Variants in NELFE observed in about 807,000 individuals in gnomAD.
NELFE encodes negative elongation factor complex member E.
A neutral mutation model predicts 55.5 loss-of-function variants in NELFE; 26 were observed. That is an observed-to-expected ratio of 0.47 (90% confidence interval 0.34 to 0.65). NELFE has a LOEUF of 0.65. Ranked by LOEUF, NELFE falls within the 30% of genes least tolerant of loss-of-function variation. NELFE has a pLI of 0.01. For missense variants in NELFE, 403 were observed against 506.9 expected, an observed-to-expected ratio of 0.80 and a Z score of 1.97; for synonymous variants, 162 against 178.0, an observed-to-expected ratio of 0.91 and a Z score of 0.72.
chr6:31,956,856 AG>A lies in NELFE; in HGVS notation c.146-19del, dbSNP rs1412563032. On this transcript the variant is annotated intron_variant, in intron 3 of 10. Transcript: ENST00000375429. ...TGATAGTGCTGGAGAGACAAGGGGAAGAGGCATTATGTTGGCCAAGCCATGA... is the reference window on the plus strand; with the variant it reads ...TGATAGTGCTGGAGAGACAAGGGGAAAGGCATTATGTTGGCCAAGCCATGA... 6.2e-7 allele frequency: 1 copy of A among 1,612,922 alleles called. No homozygotes were observed. The highest frequency in any genetic ancestry group is 8.5e-7 in the Non-Finnish European group (1 of 1,180,030).
intron 1 of NELFE, 74 bp downstream of exon 1, chr6:31,958,818 A>C: frequency 1.5e-6 from 1 of 665,214 alleles, no homozygotes; most frequent in Non-Finnish European, 2.7e-6. Context: ...GCGCCCGCAG[A>C]GCAACGCAAA....
In NELFE at chr6:31,954,711, G is replaced by A. The variant is rs761254317; in HGVS notation, c.586C>T (p.Arg196Trp). 8.1e-6 allele frequency: 13 copies of A among 1,613,582 alleles called. No homozygotes were observed. The highest frequency in any genetic ancestry group is 3.3e-5 in the Admixed American group (2 of 60,010). The change falls in exon 7 of 11, where the codon CGG becomes TGG. Residue 196 changes from arginine (R) to tryptophan (W), a missense_variant. Physicochemically the swap from Arg to Trp is moderately radical, Grantham distance 101 (BLOSUM62 -3). Coordinates refer to ENST00000375429, the MANE Select transcript of NELFE (RefSeq NM_002904.6). This position sits in a 1 kb window ranked among gnomAD's most constrained non-coding sequence, Gnocchi z 5.5. Reference protein sequence around the residue: ...RSRDRSHERNRDRDRDRERDR... With the variant: ...RSRDRSHERNWDRDRDRERDR... ...CGCTCCCGATCTCGGTCTCTGTCCC[G>A]GTTCCTCTCATGGCTGCGGTCCCGG...
chr6:31,953,941 G>A lies in NELFE; in HGVS notation c.943-110C>T, dbSNP rs79208225. On this transcript the variant is annotated intron_variant, in intron 9 of 10. Transcript: ENST00000375429. The stretch of plus-strand genomic sequence containing the variant: ...GGAGGAGACTGAATAAGGAATCTGA[G>A]AATGTGAGTTTTTCTGTGTGAATAG... 3.2e-3 allele frequency: 4,341 copies of A among 1,339,392 alleles called. 92 individuals carry two copies. The highest frequency in any genetic ancestry group is 0.027 in the South Asian group (2,255 of 84,432). The allele number at this position is 1,339,392 out of a possible 1,614,324, so 83.0% of individuals were successfully genotyped here.
intron 2 of NELFE, chr6:31,957,534 T>A (rs1355909520): frequency 2.2e-6 from 1 of 450,132 alleles, no homozygotes; most frequent in African/African-American, 2.0e-5. Context: ...TAATGGCTAT[T>A]AAACTAGGCC....
chr6:31,954,124 C>T lies in NELFE; in HGVS notation c.898G>A (p.Val300Ile), dbSNP rs778650426. 20 of 1,613,798 alleles carry T rather than the reference C, an allele frequency of 1.2e-5. No individual in the cohort carries two copies. The highest frequency in any genetic ancestry group is 1.7e-5 in the Admixed American group (1 of 59,986). Residue 300 changes from valine (V) to isoleucine (I), a missense_variant, in exon 9 of 11, where the codon GTC becomes ATC. By Grantham distance (29) the Val-to-Ile change is conservative (BLOSUM62 3). Around this residue, in one of 3 missense-constraint regions of NELFE, gnomAD observed 77 missense variants for 123.3 expected, o/e 0.62. Transcript: ENST00000375429. The surrounding 1 kb of genome is among the most constrained non-coding windows in gnomAD (Gnocchi z 5.5). Reference sequence around the variant, plus strand: ...GCTGACTCCATCTTTTCATAGGTGACGAAGGCACAGCTGGGATAAGAGAAA... The same window carrying T: ...GCTGACTCCATCTTTTCATAGGTGATGAAGGCACAGCTGGGATAAGAGAAA... Reference protein sequence around the residue: ...SMDPPRNCAFVTYEKMESADQ... With the variant: ...SMDPPRNCAFITYEKMESADQ...
intron 1 of NELFE, 199 bp from the exon 2 acceptor site, chr6:31,958,653 G>A: frequency 2.8e-6 from 2 of 704,128 alleles, no homozygotes; most frequent in South Asian, 2.9e-5. Context: ...TGTCTCCAGG[G>A]ATCACAGACA....
At position 31,958,914 on chromosome 6, in the gene NELFE, C is replaced by G; in HGVS notation, c.-31G>C. The G allele has an allele frequency of 1.7e-6, 1 of 594,616 alleles. No individual in the cohort carries two copies. The highest frequency in any genetic ancestry group is 3.0e-6 in the Non-Finnish European group (1 of 335,284). 36.8% of individuals were successfully genotyped at this position (594,616 alleles called of 1,614,324 possible). On this transcript the variant is annotated 5_prime_UTR_variant, in exon 1 of 11. Coordinates refer to ENST00000375429, the MANE Select transcript of NELFE (RefSeq NM_002904.6). ...TACCCGAGGGGGCGGCAACCGGGGG[C>G]CCCACGGTCTCCGGCCGCGCCCGCG...
rs566961208 is a variant in NELFE at position 31,954,483 on chromosome 6, C to A, written c.743-41G>T. On this transcript the variant is annotated intron_variant, in intron 7 of 10. Coordinates refer to ENST00000375429, the MANE Select transcript of NELFE (RefSeq NM_002904.6). This position sits in a 1 kb window ranked among gnomAD's most constrained non-coding sequence, Gnocchi z 5.5. ...TCATAGTCACAAGACATAGACCATG[C>A]CACATTTCACTTAGTAGGACCCACA... is the stretch of plus-strand genomic sequence containing the variant. 3 of 1,579,922 alleles carry A rather than the reference C, an allele frequency of 1.9e-6. No individual in the cohort carries two copies. The highest frequency in any genetic ancestry group is 1.3e-5 in the African/African-American group (1 of 74,374).
At position 31,954,012 on chromosome 6, in the gene NELFE, T is replaced by G; in HGVS notation, c.942+68A>C. The G allele has an allele frequency of 8.4e-6, 13 of 1,541,330 alleles. No individual in the cohort carries two copies. Among genetic ancestry groups the G allele is most frequent in the Non-Finnish European group, 1.2e-5 (13 of 1,117,872 alleles). Reference sequence around the variant, plus strand: ...GAGGAACCAACTTCTTCCTGGCATCTAGTATTTTGAGGAGAACACATGAGA... The same window carrying G: ...GAGGAACCAACTTCTTCCTGGCATCGAGTATTTTGAGGAGAACACATGAGA... On this transcript the variant is annotated intron_variant, in intron 9 of 10. Coordinates refer to ENST00000375429, the MANE Select transcript of NELFE (RefSeq NM_002904.6). The surrounding 1 kb of genome is among the most constrained non-coding windows in gnomAD (Gnocchi z 5.5).
chr6:31,954,502 A>G lies in NELFE; in HGVS notation c.742+53T>C. 4 of 1,581,060 alleles carry G rather than the reference A, an allele frequency of 2.5e-6. No homozygotes were observed. Among genetic ancestry groups the G allele is most frequent in the Non-Finnish European group, 3.4e-6 (4 of 1,160,812 alleles). ...ACCATGCCACATTTCACTTAGTAGG[A>G]CCCACATAAACCTCAGTTAAGGTCA... On this transcript the variant is annotated intron_variant, in intron 7 of 10. Coordinates refer to ENST00000375429, the MANE Select transcript of NELFE (RefSeq NM_002904.6). The surrounding 1 kb of genome is among the most constrained non-coding windows in gnomAD (Gnocchi z 5.5).
At chr6:31,958,528 A>C in intron 1 of NELFE, 74 bp from the exon 2 acceptor site, 5 of 1,169,020 alleles carry the variant, frequency 4.3e-6, no homozygotes, top group Non-Finnish European at 6.4e-6. Flanking sequence ...TCCACACTGT[A>C]CCCAACCCCA....
In NELFE at chr6:31,954,350, C is replaced by T. The variant is rs758795423; in HGVS notation, c.835G>A (p.Ala279Thr). ...EDMTPTLLRGAFSPFGNIIDL... is the reference protein window; with the variant it reads ...EDMTPTLLRGTFSPFGNIIDL... Reference sequence around the variant, plus strand: ...ATGATGTTTCCAAAAGGAGAGAAGGCCCCACGGAGAAGGGTGGGTGTCATG... The same window carrying T: ...ATGATGTTTCCAAAAGGAGAGAAGGTCCCACGGAGAAGGGTGGGTGTCATG... The change falls in exon 8 of 11, where the codon GCC becomes ACC. Residue 279 changes from alanine to threonine, a missense_variant. Ala to Thr is a moderately conservative substitution (Grantham distance 58). Around this residue, in one of 3 missense-constraint regions of NELFE, gnomAD observed 229 missense variants for 228.3 expected, o/e 1.00. Coordinates refer to ENST00000375429, the MANE Select transcript of NELFE (RefSeq NM_002904.6). This position sits in a 1 kb window ranked among gnomAD's most constrained non-coding sequence, Gnocchi z 5.5. 3 of 1,613,670 alleles carry T rather than the reference C, an allele frequency of 1.9e-6. No homozygotes were observed. Among genetic ancestry groups the T allele is most frequent in the Non-Finnish European group, 2.5e-6 (3 of 1,179,794 alleles).
Position 31,956,774 on chromosome 6 carries a change from C to T in NELFE, c.210G>A (p.Lys70=), listed in dbSNP as rs755450511. 4 of 1,613,092 alleles carry T rather than the reference C, an allele frequency of 2.5e-6. No individual in the cohort carries two copies. Among genetic ancestry groups the T allele is most frequent in the Non-Finnish European group, 3.4e-6 (4 of 1,180,042 alleles). ...CCTTGATGGCACTGATGGCTCCTGA[C>T]TTCACCAGCTGCTTTGCCTGCTCTG... ...TATEQAKQLV[K]SGAISAIKAE... The change falls in exon 4 of 11, where the codon AAG becomes AAA. Residue 70 remains lysine, a synonymous_variant. Transcript: ENST00000375429.
At chr6:31,952,471 C>CCA in intron 10 of NELFE, 73 bp from the exon 11 acceptor site, 1 of 1,105,122 alleles carries the variant, frequency 9.0e-7, no homozygotes, top group Non-Finnish European at 1.3e-6. Context: ...GACTCCTGAC[C>CCA]ACCTCACTCC....
At position 31,954,049 on chromosome 6, in the gene NELFE, G is replaced by C; in HGVS notation, c.942+31C>G. On this transcript the variant is annotated intron_variant, in intron 9 of 10. Transcript: ENST00000375429. This position sits in a 1 kb window ranked among gnomAD's most constrained non-coding sequence, Gnocchi z 5.5. ...GAGAACACATGAGAACAGCAGAAGCGATGGGAAGAACAGATTTGGGAAGTT... is the reference window on the plus strand; with the variant it reads ...GAGAACACATGAGAACAGCAGAAGCCATGGGAAGAACAGATTTGGGAAGTT... 6.2e-7 allele frequency: 1 copy of C among 1,609,406 alleles called. No individual in the cohort carries two copies. Among genetic ancestry groups the C allele is most frequent in the African/African-American group, 1.3e-5 (1 of 74,910 alleles).
chr6:31,956,619 A>G, intron 4 of NELFE, 74 bp downstream of exon 4: 1 of 1,499,122 alleles, frequency 6.7e-7, no homozygotes, highest in Non-Finnish European at 9.0e-7. Flanking sequence ...TTGAGTATGC[A>G]TATTTTTCCC....
At position 31,954,222 on chromosome 6, in the gene NELFE, G is replaced by A. The variant is rs779999316; in HGVS notation, c.887+76C>T. On this transcript the variant is annotated intron_variant, in intron 8 of 10. Coordinates refer to ENST00000375429, the MANE Select transcript of NELFE (RefSeq NM_002904.6). The surrounding 1 kb of genome is among the most constrained non-coding windows in gnomAD (Gnocchi z 5.5). Reference sequence around the variant, plus strand: ...CAGTGATAATAGGCGGCTGCAGGGAGGGCAGCTTCTTCCCTCAGGTCTCAC... The same window carrying A: ...CAGTGATAATAGGCGGCTGCAGGGAAGGCAGCTTCTTCCCTCAGGTCTCAC... The A allele has an allele frequency of 8.8e-5, 141 of 1,608,230 alleles. No homozygotes were observed. The highest frequency in any genetic ancestry group is 1.2e-4 in the Non-Finnish European group (137 of 1,175,326).
chr6:31,956,472 C>A (rs995821406), intron 4 of NELFE, among the ~76,000 whole-genome samples: 2 of 152,192 alleles, frequency 1.3e-5, no homozygotes, highest in African/African-American at 4.8e-5. Context: ...TCCCTTAGGG[C>A]AACATATTCC....
Position 31,954,722 on chromosome 6 carries a change from T to C in NELFE, c.575A>G (p.His192Arg), listed in dbSNP as rs766706133. Residue 192 changes from histidine (H) to arginine (R), a missense_variant, in exon 7 of 11, where the codon CAT becomes CGT. Physicochemically the swap from His to Arg is conservative, Grantham distance 29. Coordinates refer to ENST00000375429, the MANE Select transcript of NELFE (RefSeq NM_002904.6). The surrounding 1 kb of genome is among the most constrained non-coding windows in gnomAD (Gnocchi z 5.5). ...PPRSRSRDRS[H>R]ERNRDRDRDR... ...TCGGTCTCTGTCCCGGTTCCTCTCA[T>C]GGCTGCGGTCCCGGCTGCGGCTTCG... The C allele has an allele frequency of 2.2e-5, 36 of 1,613,980 alleles. No homozygotes were observed. Among genetic ancestry groups the C allele is most frequent in the Non-Finnish European group, 3.0e-5 (35 of 1,179,954 alleles).
Sources: gnomAD v4.1 joint callset for allele counts (sites outside exome capture counted in the v4.1 genomes callset) on GRCh38, gnomAD v4.1.1 for gene constraint, gnomAD v4.1.1 regional missense constraint, Gnocchi (gnomAD v3.1) non-coding constraint, MANE v1.5 for transcripts, NCBI Gene and HGNC (gene_info 2026-07-23, HGNC 2026-07-21) for gene names.